PRDM6: variants seen among roughly 807,000 people sequenced by gnomAD.
PRDM6 encodes the protein PR/SET domain 6.
PRDM6 carries 25 observed loss-of-function variants against 60.8 expected under a neutral mutation model. The observed-to-expected ratio is 0.41, with a 90% CI of 0.30 to 0.57. The LOEUF (loss-of-function observed/expected upper bound fraction) is 0.57. PRDM6 is among the 20% of genes least tolerant of loss of function. The pLI is 0.27. For synonymous variants in PRDM6, 407 were observed against 357.4 expected (o/e 1.14, Z -1.57); for missense variants, 839 against 821.3 (o/e 1.02, Z -0.26).
chr5:123,151,777 T>C (rs1765374481), intron 3 of PRDM6, among the ~76,000 whole-genome samples: 1 of 152,102 alleles, frequency 6.6e-6, no homozygotes, highest in African/African-American at 2.4e-5. Flanking sequence ...GTCCCCCAGC[T>C]CACCTTGGGC....
intron 5 of PRDM6, among the ~76,000 whole-genome samples, chr5:123,162,664 G>A (rs1041068980): frequency 5.3e-5 from 8 of 152,176 alleles, no homozygotes; most frequent in African/African-American, 1.9e-4. Flanking sequence ...TGACTAAAGT[G>A]CTCAACAGTG....
At chr5:123,122,540 A>G (rs1764604247) in intron 3 of PRDM6, among the ~76,000 whole-genome samples, 1 of 152,014 alleles carries the variant, frequency 6.6e-6, no homozygotes, top group Admixed American at 6.5e-5. Flanking sequence ...ATTTCTCGTT[A>G]TAGGTGTTTT....
At chr5:123,139,634 G>A (rs1260310325) in intron 3 of PRDM6, among the ~76,000 whole-genome samples, 2 of 152,072 alleles carry the variant, frequency 1.3e-5, no homozygotes, top group Non-Finnish European at 1.5e-5. Context: ...AGGGATGCAG[G>A]TGTCACTCAC....
In PRDM6 at chr5:123,170,898, A is replaced by G; in HGVS notation, c.1286A>G (p.Asn429Ser). 1 of 1,552,164 alleles carries G rather than the reference A, an allele frequency of 6.4e-7. No individual in the cohort carries two copies. ...TTCCCCCAGACTCCGTGCAGCAGGA[A>G]CTTCTCTCTTCTGGATAAGTCTGGG... ...VVFPQTPCSR[N>S]FSLLDKSGPI... is the part of the protein sequence containing the mutation. The change falls in exon 6 of 8, where the codon AAC becomes AGC. Residue 429 changes from asparagine (N) to serine (S), a missense_variant. Asn to Ser is a conservative substitution (Grantham distance 46). Around this residue, in one of 2 missense-constraint regions of PRDM6, gnomAD observed 730 missense variants for 648.8 expected, o/e 1.13. Coordinates refer to ENST00000407847, the MANE Select transcript of PRDM6 (RefSeq NM_001136239.4).
intron 5 of PRDM6, among the ~76,000 whole-genome samples, chr5:123,165,604 T>G (rs1415594654): frequency 6.6e-6 from 1 of 152,204 alleles, no homozygotes; most frequent in Non-Finnish European, 1.5e-5. Flanking sequence ...GTCCCATAGA[T>G]CAAAATGCAG....
chr5:123,131,821 T>A (rs1764840544), intron 3 of PRDM6, among the ~76,000 whole-genome samples: 1 of 152,230 alleles, frequency 6.6e-6, no homozygotes, highest in African/African-American at 2.4e-5. Context: ...TATTGAATGC[T>A]TATTATATGT....
intron 5 of PRDM6, among the ~76,000 whole-genome samples, chr5:123,165,243 G>A (rs772366401): frequency 2.6e-5 from 4 of 151,828 alleles, no homozygotes; most frequent in Non-Finnish European, 2.9e-5. Flanking sequence ...CTAAACCTGC[G>A]TAAAACTAAA....
Position 123,150,563 on chromosome 5 carries a change from C to G in PRDM6, c.901-5321C>G, listed in dbSNP as rs114592845. On this transcript the variant is annotated intron_variant, in intron 3 of 7. Coordinates refer to ENST00000407847, the MANE Select transcript of PRDM6 (RefSeq NM_001136239.4). ...TACTGGGCCTCTACCTCCTGACACGCAGAGGAATTGTGTAGTAAAACATAT... is the reference window on the plus strand; with the variant it reads ...TACTGGGCCTCTACCTCCTGACACGGAGAGGAATTGTGTAGTAAAACATAT... Among the ~76,000 whole-genome samples the G allele has an allele frequency of 8.5e-3, 1,300 of 152,270 alleles. 23 individuals carry two copies. The highest frequency in any genetic ancestry group is 0.03 in the African/African-American group (1,234 of 41,540).
intron 3 of PRDM6, among the ~76,000 whole-genome samples, chr5:123,131,097 C>G (rs1764824188): frequency 6.6e-6 from 1 of 152,094 alleles, no homozygotes; most frequent in Admixed American, 6.5e-5. Context: ...TATGGTGATG[C>G]ACGTGTTCTC....
At chr5:123,167,658 G>A (rs533015790) in intron 5 of PRDM6, among the ~76,000 whole-genome samples, 1 of 152,166 alleles carries the variant, frequency 6.6e-6, no homozygotes, top group Admixed American at 6.5e-5. Context: ...CAAAGTGCTG[G>A]GATTACAGGC....
chr5:123,156,085 C>G, intron 4 of PRDM6, 74 bp downstream of exon 4: 1 of 1,405,788 alleles, frequency 7.1e-7, no homozygotes, highest in South Asian at 1.5e-5. Flanking sequence ...AGGCTTGCCA[C>G]TGGTGGGTAA....
chr5:123,185,200 C>T (rs1354786694), intron 7 of PRDM6, among the ~76,000 whole-genome samples: 2 of 152,168 alleles, frequency 1.3e-5, no homozygotes, highest in South Asian at 2.1e-4. Context: ...GTGTATTCCT[C>T]ATATTCTAAT....
intron 3 of PRDM6, among the ~76,000 whole-genome samples, chr5:123,133,601 C>T (rs1016569259): frequency 2.0e-5 from 3 of 151,922 alleles, no homozygotes; most frequent in Non-Finnish European, 4.4e-5. Context: ...TAAAATACAA[C>T]CAATAGTGTG....
chr5:123,171,832 G>C (rs919472389), intron 6 of PRDM6, among the ~76,000 whole-genome samples: 1 of 152,118 alleles, frequency 6.6e-6, no homozygotes, highest in Non-Finnish European at 1.5e-5. Context: ...AGATATAATG[G>C]AACTATTATT....
chr5:123,183,226 G>A (rs999164424), intron 7 of PRDM6, among the ~76,000 whole-genome samples: 2 of 152,140 alleles, frequency 1.3e-5, no homozygotes, highest in African/African-American at 4.8e-5. Context: ...TGTATGTCTT[G>A]GGGAGTTTCC....
At chr5:123,142,056 C>T (rs904330888) in intron 3 of PRDM6, among the ~76,000 whole-genome samples, 5 of 152,062 alleles carry the variant, frequency 3.3e-5, no homozygotes, top group South Asian at 2.1e-4. Flanking sequence ...CTTGACTCAA[C>T]GGCTCGGAAG....
At chr5:123,167,646 C>T (rs1005143675) in intron 5 of PRDM6, among the ~76,000 whole-genome samples, 12 of 152,284 alleles carry the variant, frequency 7.9e-5, no homozygotes, top group Non-Finnish European at 1.5e-4. Flanking sequence ...GCGTCAGCCT[C>T]CCAAAGTGCT....
In PRDM6 at chr5:123,144,008, A is replaced by G. The variant is rs78765750; in HGVS notation, c.901-11876A>G. On this transcript the variant is annotated intron_variant, in intron 3 of 7. Coordinates refer to ENST00000407847, the MANE Select transcript of PRDM6 (RefSeq NM_001136239.4). ...CCTGTCAGTCTATCTCTGTGATTGTATGCATAACCTCATCTGGAAATGGCT... is the reference window on the plus strand; with the variant it reads ...CCTGTCAGTCTATCTCTGTGATTGTGTGCATAACCTCATCTGGAAATGGCT... 9.4e-3 allele frequency among the ~76,000 whole-genome samples: 1,426 copies of G among 152,274 alleles called. 27 individuals carry two copies. The highest frequency in any genetic ancestry group is 0.033 in the African/African-American group (1,352 of 41,560).
intron 3 of PRDM6, among the ~76,000 whole-genome samples, chr5:123,111,415 C>T (rs1051635345): frequency 3.3e-5 from 5 of 152,162 alleles, no homozygotes; most frequent in African/African-American, 1.2e-4. Context: ...AAACAAAACG[C>T]CGGCAGGGCG....
Sources: gnomAD v4.1 joint callset for allele counts (sites outside exome capture counted in the v4.1 genomes callset) on GRCh38, gnomAD v4.1.1 for gene constraint, gnomAD v4.1.1 regional missense constraint, MANE v1.5 for transcripts, NCBI Gene and HGNC (gene_info 2026-07-23, HGNC 2026-07-21) for gene names.